Variants in CFAP221 observed in about 807,000 individuals in gnomAD.
CFAP221 encodes the protein cilia and flagella associated protein 221, also known as cilia- and flagella-associated protein 221.
CFAP221 carries 97 observed loss-of-function variants against 113.1 expected under a neutral mutation model. The ratio of observed to expected loss-of-function variants is 0.86; its 90% CI spans 0.73 to 1.02. The LOEUF is 1.02. Among genes scored for constraint, CFAP221 ranks in the 50% least tolerant of loss-of-function variants. The pLI, the probability that CFAP221 is intolerant of heterozygous loss-of-function variation, is 0.00. For missense variants in CFAP221, 1,025 were observed against 1,013.4 expected (o/e 1.01, Z -0.16); for synonymous variants, 331 against 354.4 (o/e 0.93, Z 0.74).
Position 119,604,532 on chromosome 2 carries a change from C to T in CFAP221, c.792-140C>T, listed in dbSNP as rs747790390. The stretch of plus-strand genomic sequence containing the variant: ...TGACATCACATTTATTTTAGTAGAC[C>T]ACTGTTGGGGCACACATTTATTTTC... On this transcript the variant is annotated intron_variant, in intron 8 of 23. Transcript: ENST00000413369. 311 of 715,234 alleles carry T rather than the reference C, an allele frequency of 4.3e-4. 1 individual carries two copies. The highest frequency in any genetic ancestry group is 5.6e-4 in the Non-Finnish European group (277 of 495,154). The allele number at this position is 715,234 out of a possible 1,614,324, so 44.3% of individuals were successfully genotyped here. A position where few individuals can be genotyped will look rare whatever the true frequency, so the allele number is the denominator to read the frequency against.
chr2:119,642,000 A>G (rs1199247954), intron 21 of CFAP221, among the ~76,000 whole-genome samples: 1 of 152,176 alleles, frequency 6.6e-6, no homozygotes, highest in Non-Finnish European at 1.5e-5. Flanking sequence ...CCTTGGAAAA[A>G]AATCTCCCGA....
In CFAP221 at chr2:119,606,225, C is replaced by T. The variant is rs147166535; in HGVS notation, c.1133+936C>T. ...CTATGTTGCCCAGGTGGGACCCAAA[C>T]CCCTGGGCTCAAGTATTCTCCTGCT... On this transcript the variant is annotated intron_variant, in intron 11 of 23. Coordinates refer to ENST00000413369, the MANE Select transcript of CFAP221 (RefSeq NM_001271049.2). Among the ~76,000 whole-genome samples the T allele has an allele frequency of 1.7e-3, 253 of 151,670 alleles. 1 individual carries two copies. The highest frequency in any genetic ancestry group is 5.6e-3 in the African/African-American group (230 of 41,296).
At chr2:119,639,921 T>G (rs1687379023) in intron 21 of CFAP221, 49 bp downstream of exon 21, 1 of 1,475,998 alleles carries the variant, frequency 6.8e-7, no homozygotes, top group Non-Finnish European at 9.5e-7. Context: ...CCCCATGTAT[T>G]ACAGAGGCAA....
At chr2:119,556,379 CTGT>C (rs1301941064) in intron 3 of CFAP221, 1 of 152,114 alleles carries the variant, frequency 6.6e-6, no homozygotes, top group African/African-American at 2.4e-5. Flanking sequence ...TTGTTTGAGT[CTGT>C]TGTTTCTTAT....
chr2:119,642,176 C>T (rs533874073), intron 21 of CFAP221, among the ~76,000 whole-genome samples: 2 of 152,302 alleles, frequency 1.3e-5, no homozygotes, highest in African/African-American at 2.4e-5. Context: ...TCTAAATAAA[C>T]TGCAGTTGCA....
Position 119,601,222 on chromosome 2 carries a change from A to T in CFAP221, c.636A>T (p.Ile212=). Residue 212 remains isoleucine (I), a synonymous_variant, in exon 8 of 24, where the codon ATA becomes ATT. Transcript: ENST00000413369. Reference sequence around the variant, plus strand: ...TTCTCATTTCTTTCCTCTCAGGAATAATTCCGGCTAATGGGAAGATGACTG... The same window carrying T: ...TTCTCATTTCTTTCCTCTCAGGAATTATTCCGGCTAATGGGAAGATGACTG... The part of the protein sequence containing the change: ...QAFAIEPTSG[I]IPANGKMTVT... 2.0e-6 allele frequency: 3 copies of T among 1,520,364 alleles called. No homozygotes were observed. The highest frequency in any genetic ancestry group is 2.6e-6 in the Non-Finnish European group (3 of 1,135,322). The allele number at this position is 1,520,364 out of a possible 1,614,324, so 94.2% of individuals were successfully genotyped here. A position where few individuals can be genotyped will look rare whatever the true frequency, so the allele number is the denominator to read the frequency against.
intron 22 of CFAP221, among the ~76,000 whole-genome samples, chr2:119,650,577 G>A (rs1186885537): frequency 6.6e-6 from 1 of 152,228 alleles, no homozygotes; most frequent in Non-Finnish European, 1.5e-5. Flanking sequence ...AATTAAAGGA[G>A]ATGCTGATGC....
At chr2:119,640,864 C>T (rs1490192969) in intron 21 of CFAP221, among the ~76,000 whole-genome samples, 2 of 152,222 alleles carry the variant, frequency 1.3e-5, no homozygotes, top group East Asian at 3.8e-4. Flanking sequence ...TGACCTCAGC[C>T]ATGCCCCTTG....
At chr2:119,551,007 C>A (rs997965249) in intron 3 of CFAP221, among the ~76,000 whole-genome samples, 4 of 152,174 alleles carry the variant, frequency 2.6e-5, no homozygotes, top group Non-Finnish European at 5.9e-5. Flanking sequence ...CATACAATAC[C>A]AGGTCTCTTG....
rs529123917 is a variant in CFAP221 at position 119,652,956 on chromosome 2, A to G, written c.2414+887A>G. Among the ~76,000 whole-genome samples, 36 of 148,554 alleles carry G rather than the reference A, an allele frequency of 2.4e-4. No homozygotes were observed. The South Asian group carries it at 6.3e-3, about 26-fold the overall frequency. On this transcript the variant is annotated intron_variant, in intron 23 of 23. Coordinates refer to ENST00000413369, the MANE Select transcript of CFAP221 (RefSeq NM_001271049.2). The stretch of plus-strand genomic sequence containing the variant: ...AATATGGATATATATTTATATTTAT[A>G]TATTTATATTATGTATTTATATATG...
rs891152761 is a variant in CFAP221 at position 119,553,249 on chromosome 2, G to C, written c.240+4064G>C. On this transcript the variant is annotated intron_variant, in intron 3 of 23. Transcript: ENST00000413369. ...GTAGCCCAAAAGCCAAGTAGGAAGT[G>C]GGGAGAAGGGATTTGGGGCCCAGAG... is the stretch of plus-strand genomic sequence containing the variant. Among the ~76,000 whole-genome samples the C allele has an allele frequency of 2.0e-5, 3 of 152,164 alleles. No individual in the cohort carries two copies. In the South Asian group the frequency reaches 6.2e-4, roughly 32 times the overall value.
In CFAP221 at chr2:119,656,410, G is replaced by T. The variant is rs186291259; in HGVS notation, c.2463G>T (p.Leu821=). ...AQPAEKAGEK[L]LEEMRNLRGK... ...CAGCAGAGAAGGCCGGAGAGAAGCT[G>T]CTCGAGGAGATGAGGAACCTGCGGG... Residue 821 remains leucine, a synonymous_variant, in exon 24 of 24, where the codon CTG becomes CTT. Transcript: ENST00000413369. 27 of 1,614,060 alleles carry T rather than the reference G, an allele frequency of 1.7e-5. No individual in the cohort carries two copies. In the East Asian group the frequency reaches 5.8e-4, roughly 35 times the overall value.
chr2:119,603,478 A>G (rs1684503276), intron 8 of CFAP221, among the ~76,000 whole-genome samples: 2 of 152,216 alleles, frequency 1.3e-5, no homozygotes, highest in Admixed American at 6.5e-5. Context: ...ATGCTCTTAC[A>G]TGAGAGACAT....
In CFAP221 at chr2:119,551,601, A is replaced by G. The variant is rs533152578; in HGVS notation, c.240+2416A>G. Among the ~76,000 whole-genome samples the G allele has an allele frequency of 6.6e-5, 10 of 151,996 alleles. No homozygotes were observed. The East Asian group carries it at 1.9e-3, about 29-fold the overall frequency. ...AGTTTATTTCTGAACCCCCGGTTCTACTCCATTGACCTGTATGCCTACACT... is the reference window on the plus strand; with the variant it reads ...AGTTTATTTCTGAACCCCCGGTTCTGCTCCATTGACCTGTATGCCTACACT... On this transcript the variant is annotated intron_variant, in intron 3 of 23. Transcript: ENST00000413369.
At chr2:119,643,315 C>T (rs1028080557) in intron 21 of CFAP221, among the ~76,000 whole-genome samples, 4 of 152,116 alleles carry the variant, frequency 2.6e-5, no homozygotes, top group African/African-American at 4.8e-5. Flanking sequence ...TTTTTGTATT[C>T]GTAATAATCG....
At chr2:119,600,291 C>G (rs1684277793) in intron 7 of CFAP221, among the ~76,000 whole-genome samples, 1 of 152,208 alleles carries the variant, frequency 6.6e-6, no homozygotes. Flanking sequence ...TGATATTTGA[C>G]TCTGGGGAGA....
At chr2:119,644,594 G>A (rs1687684658) in intron 21 of CFAP221, among the ~76,000 whole-genome samples, 1 of 152,146 alleles carries the variant, frequency 6.6e-6, no homozygotes, top group Non-Finnish European at 1.5e-5. Context: ...TGGGTGCTAT[G>A]TATACACATT....
Position 119,549,067 on chromosome 2 carries a change from T to C in CFAP221, c.140-18T>C. ...TCTTTGATGTCTCATGATGTGCTTA[T>C]CTACATTGTTTTTATAGAGGTTTAT... On this transcript the variant is annotated intron_variant, in intron 2 of 23. Coordinates refer to ENST00000413369, the MANE Select transcript of CFAP221 (RefSeq NM_001271049.2). 6.8e-7 allele frequency: 1 copy of C among 1,463,512 alleles called. No individual in the cohort carries two copies. Among genetic ancestry groups the C allele is most frequent in the East Asian group, 2.5e-5 (1 of 40,018 alleles). 90.7% of individuals were successfully genotyped at this position (1,463,512 alleles called of 1,614,324 possible). A position where few individuals can be genotyped will look rare whatever the true frequency, so the allele number is the denominator to read the frequency against.
At chr2:119,628,294 G>GGGT (rs1553491014) in intron 16 of CFAP221, among the ~76,000 whole-genome samples, 43 of 137,584 alleles carry the variant, frequency 3.1e-4, no homozygotes, top group Non-Finnish European at 1.5e-4. Context: ...CTCTCTGGGG[G>GGGT]GTGTGTGTGT....
Sources: allele counts gnomAD v4.1 joint callset (sites outside exome capture counted in the v4.1 genomes callset), GRCh38; gene constraint gnomAD v4.1.1; transcripts MANE v1.5; gene names NCBI Gene and HGNC (gene_info 2026-07-23, HGNC 2026-07-21).